The following COL15A1 variants were observed in gnomAD, a reference collection of about 807,000 sequenced individuals.
The protein encoded by COL15A1 is collagen alpha-1(XV) chain.
Under a neutral mutation model 165.9 loss-of-function variants are expected in COL15A1, and 111 were observed. That is an observed-to-expected ratio of 0.67 (90% confidence interval 0.57 to 0.78). The LOEUF (loss-of-function observed/expected upper bound fraction) is 0.78, where lower values mean the gene tolerates loss of function less well. Among genes scored for constraint, COL15A1 ranks in the 30% least tolerant of loss-of-function variants. The pLI is 0.00. For missense variants in COL15A1, 1,745 were observed against 1,789.7 expected (o/e 0.98, Z 0.45); for synonymous variants, 659 against 674.8 (o/e 0.98, Z 0.36).
At chr9:99,050,583 T>G (rs1839572204) in intron 30 of COL15A1, among the ~76,000 whole-genome samples, 1 of 152,100 alleles carries the variant, frequency 6.6e-6, no homozygotes, top group African/African-American at 2.4e-5. Flanking sequence ...GAAAACCCAG[T>G]GGGGAGGGTG....
At chr9:99,011,127 C>T (rs908641249) in intron 9 of COL15A1, among the ~76,000 whole-genome samples, 3 of 152,012 alleles carry the variant, frequency 2.0e-5, no homozygotes, top group East Asian at 1.9e-4. Context: ...CAATAAAAGT[C>T]GAACTTTGTG....
At chr9:98,970,198 T>A (rs922637475) in intron 2 of COL15A1, among the ~76,000 whole-genome samples, 1 of 152,118 alleles carries the variant, frequency 6.6e-6, no homozygotes, top group Non-Finnish European at 1.5e-5. Context: ...AAACAAACAT[T>A]TATTGAGCAC....
intron 22 of COL15A1, among the ~76,000 whole-genome samples, chr9:99,039,645 C>A (rs935659390): frequency 1.3e-5 from 2 of 152,236 alleles, no homozygotes; most frequent in Non-Finnish European, 2.9e-5. Context: ...CATCTCCCAG[C>A]ATCTGCTGGT....
At position 98,996,921 on chromosome 9, in the gene COL15A1, T is replaced by C. The variant is rs1286581735; in HGVS notation, c.805-13T>C. Reference sequence around the variant, plus strand: ...AAGTAAATCATTTTGCATCTCATTTTTCCTCCCTTCAGCCCAAAGAAGCAA... The same window carrying C: ...AAGTAAATCATTTTGCATCTCATTTCTCCTCCCTTCAGCCCAAAGAAGCAA... On this transcript the variant is annotated splice_polypyrimidine_tract_variant and intron_variant, in intron 5 of 41. Transcript: ENST00000375001. 6.2e-7 allele frequency: 1 copy of C among 1,610,876 alleles called. No individual in the cohort carries two copies. The highest frequency in any genetic ancestry group is 1.1e-5 in the South Asian group (1 of 90,962).
intron 16 of COL15A1, among the ~76,000 whole-genome samples, chr9:99,030,402 G>A (rs1246473926): frequency 6.6e-6 from 1 of 152,154 alleles, no homozygotes; most frequent in Non-Finnish European, 1.5e-5. Context: ...CCTTCCCTCA[G>A]CCTGTTCATT....
chr9:98,982,060 T>G (rs368484547), intron 2 of COL15A1, among the ~76,000 whole-genome samples: 1 of 152,062 alleles, frequency 6.6e-6, no homozygotes, highest in Admixed American at 6.5e-5. Flanking sequence ...CTTGGCCTCC[T>G]AAAACACTGG....
intron 21 of COL15A1, among the ~76,000 whole-genome samples, chr9:99,036,906 C>T (rs1839311529): frequency 6.6e-6 from 1 of 152,224 alleles, no homozygotes; most frequent in Non-Finnish European, 1.5e-5. Flanking sequence ...TGTGGCTGAG[C>T]TGGGCATGCC....
At position 99,035,038 on chromosome 9, in the gene COL15A1, C is replaced by T. The variant is rs1372006682; in HGVS notation, c.2104C>T (p.Pro702Ser). The change falls in exon 18 of 42, where the codon CCT becomes TCT. Residue 702 changes from proline (P) to serine (S), a missense_variant. Physicochemically the swap from Pro to Ser is moderately conservative, Grantham distance 74. Transcript: ENST00000375001. ...EKGDPGNRGLPGPPGKKGQAG... is the reference protein window; with the variant it reads ...EKGDPGNRGLSGPPGKKGQAG... The stretch of plus-strand genomic sequence containing the variant: ...GGGTGACCCTGGCAACAGAGGCTTA[C>T]CTGGACCCCCGGGGAAAAAGGGACA... 3 of 1,613,052 alleles carry T rather than the reference C, an allele frequency of 1.9e-6. No individual in the cohort carries two copies. Among genetic ancestry groups the T allele is most frequent in the Non-Finnish European group, 2.5e-6 (3 of 1,179,308 alleles).
intron 13 of COL15A1, among the ~76,000 whole-genome samples, chr9:99,022,945 C>A (rs775243421): frequency 6.6e-6 from 1 of 152,158 alleles, no homozygotes. Flanking sequence ...TTAGAGGAGC[C>A]GATGGACCCA....
At chr9:98,975,910 A>T (rs1838135601) in intron 2 of COL15A1, among the ~76,000 whole-genome samples, 1 of 152,038 alleles carries the variant, frequency 6.6e-6, no homozygotes, top group South Asian at 2.1e-4. Flanking sequence ...AGATGTAAGA[A>T]GATGGGGAAG....
chr9:98,995,305 G>C (rs1838524331), intron 5 of COL15A1, among the ~76,000 whole-genome samples: 1 of 152,054 alleles, frequency 6.6e-6, no homozygotes, highest in Non-Finnish European at 1.5e-5. Context: ...TCCCACTGCT[G>C]CCCTGGTTCC....
intron 21 of COL15A1, 118 bp downstream of exon 21, chr9:99,036,514 G>A (rs1288862166): frequency 4.9e-6 from 5 of 1,021,918 alleles, no homozygotes; most frequent in South Asian, 4.7e-5. Context: ...GCCAGTGCCT[G>A]GTGTTAGAAC....
In COL15A1 at chr9:99,054,599, T is replaced by G; in HGVS notation, c.2974T>G (p.Trp992Gly). 1 of 1,613,222 alleles carries G rather than the reference T, an allele frequency of 6.2e-7. No individual in the cohort carries two copies. The highest frequency in any genetic ancestry group is 8.5e-7 in the Non-Finnish European group (1 of 1,179,686). The change falls in exon 32 of 42, where the codon TGG becomes GGG. Residue 992 changes from tryptophan (W) to glycine (G), a missense_variant. By Grantham distance (184) the Trp-to-Gly change is radical. Coordinates refer to ENST00000375001, the MANE Select transcript of COL15A1 (RefSeq NM_001855.5). ...FHGVKGEKGS[W>G]GLPGSKGEKG... Reference sequence around the variant, plus strand: ...AGGTGTTAAAGGAGAGAAAGGATCCTGGGGTCTTCCTGGCTCAAAGGGAGA... The same window carrying G: ...AGGTGTTAAAGGAGAGAAAGGATCCGGGGGTCTTCCTGGCTCAAAGGGAGA...
At chr9:99,021,445 C>G (rs1057305673) in intron 12 of COL15A1, among the ~76,000 whole-genome samples, 5 of 152,172 alleles carry the variant, frequency 3.3e-5, no homozygotes, top group African/African-American at 1.2e-4. Context: ...ATCTGGCCAT[C>G]CTGTCACCTT....
chr9:99,066,962 A>G lies in COL15A1; in HGVS notation c.3732A>G (p.Ala1244=). Residue 1244 remains alanine (A), a synonymous_variant, in exon 40 of 42, where the codon GCA becomes GCG. Transcript: ENST00000375001. ...AGTGCTTCAAGCAGGCCAGAGCTGC[A>G]GGACTGTTGTCCACCTACCGAGCAT... ...DFQCFKQARA[A]GLLSTYRAFL... is the part of the protein sequence containing the mutation. The G allele has an allele frequency of 1.9e-6, 3 of 1,614,202 alleles. No individual in the cohort carries two copies. Among genetic ancestry groups the G allele is most frequent in the South Asian group, 1.1e-5 (1 of 91,084 alleles).
chr9:99,006,347 C>T (rs2118961961), intron 9 of COL15A1, among the ~76,000 whole-genome samples: 1 of 152,370 alleles, frequency 6.6e-6, no homozygotes, highest in Non-Finnish European at 1.5e-5. Context: ...TCATTCCTGA[C>T]CAATGATAGG....
chr9:99,023,673 A>G (rs1839065333), intron 14 of COL15A1, among the ~76,000 whole-genome samples: 1 of 152,176 alleles, frequency 6.6e-6, no homozygotes, highest in African/African-American at 2.4e-5. Flanking sequence ...GCCTACATTT[A>G]TCTTCAGGAC....
chr9:98,954,110 T>C (rs992443714), intron 2 of COL15A1, among the ~76,000 whole-genome samples: 2 of 152,198 alleles, frequency 1.3e-5, no homozygotes, highest in African/African-American at 4.8e-5. Flanking sequence ...CTGAGTTTCC[T>C]AACACAGTGT....
chr9:99,070,498 G>T lies in COL15A1; in HGVS notation c.*612G>T. ...TTTTACACAATCATATTTTAGTATG[G>T]TGTCTGTTTATGTAACTCTGACTTG... On this transcript the variant is annotated 3_prime_UTR_variant, in exon 42 of 42. Coordinates refer to ENST00000375001, the MANE Select transcript of COL15A1 (RefSeq NM_001855.5). The T allele has an allele frequency of 1.1e-5, 3 of 283,660 alleles. No individual in the cohort carries two copies. The highest frequency in any genetic ancestry group is 8.4e-5 in the South Asian group (3 of 35,506). 17.6% of individuals were successfully genotyped at this position (283,660 alleles called of 1,614,324 possible).
Sources: allele counts gnomAD v4.1 joint callset (sites outside exome capture counted in the v4.1 genomes callset), GRCh38; gene constraint gnomAD v4.1.1; transcripts MANE v1.5; gene names NCBI Gene and HGNC (gene_info 2026-07-23, HGNC 2026-07-21).